ALDH1L1: variants seen among roughly 807,000 people sequenced by gnomAD.
The protein encoded by ALDH1L1 is cytosolic 10-formyltetrahydrofolate dehydrogenase.
Under a neutral mutation model 101.1 loss-of-function variants are expected in ALDH1L1, and 68 were observed. The observed-to-expected ratio is 0.67, with a 90% CI of 0.55 to 0.82. The LOEUF (loss-of-function observed/expected upper bound fraction) is 0.82. Among genes scored for constraint, ALDH1L1 ranks in the 40% least tolerant of loss-of-function variants. The pLI, the probability that ALDH1L1 is intolerant of heterozygous loss-of-function variation, is 0.00. For synonymous variants in ALDH1L1, 486 were observed against 470.8 expected (o/e 1.03, Z -0.42); for missense variants, 1,087 against 1,172.7 (o/e 0.93, Z 1.07).
intron 9 of ALDH1L1, among the ~76,000 whole-genome samples, chr3:126,140,043 A>G (rs1189358594): frequency 6.6e-6 from 1 of 152,174 alleles, no homozygotes; most frequent in Non-Finnish European, 1.5e-5. Flanking sequence ...AAATGAATAT[A>G]CACATCTAAG....
chr3:126,178,223 AT>A (rs1463659209), intron 1 of ALDH1L1, among the ~76,000 whole-genome samples: 3 of 151,908 alleles, frequency 2.0e-5, no homozygotes, highest in Non-Finnish European at 2.9e-5. Context: ...CTACAAAAAA[AT>A]TTTTAAATTA....
intron 1 of ALDH1L1, among the ~76,000 whole-genome samples, chr3:126,175,896 T>G (rs1029444242): frequency 6.6e-6 from 1 of 152,060 alleles, no homozygotes; most frequent in Non-Finnish European, 1.5e-5. Context: ...AAGGAAGAAA[T>G]AAACTGTTCT....
At chr3:126,149,059 G>A (rs531280948) in intron 8 of ALDH1L1, among the ~76,000 whole-genome samples, 10 of 152,262 alleles carry the variant, frequency 6.6e-5, no homozygotes, top group South Asian at 2.1e-4. Flanking sequence ...CACCCTTCCC[G>A]TTGTTCTCAG....
At chr3:126,119,390 C>T (rs1340284239) in intron 16 of ALDH1L1, among the ~76,000 whole-genome samples, 2 of 152,230 alleles carry the variant, frequency 1.3e-5, no homozygotes, top group Non-Finnish European at 2.9e-5. Context: ...CCAGGGTTCT[C>T]CATTTCAGTA....
At chr3:126,153,779 C>T (rs2080853661) in intron 6 of ALDH1L1, among the ~76,000 whole-genome samples, 198 bp from the exon 7 acceptor site, 1 of 152,168 alleles carries the variant, frequency 6.6e-6, no homozygotes, top group South Asian at 2.1e-4. Flanking sequence ...CCTCAGTGGC[C>T]TCAGGGAGCT....
chr3:126,180,590 C>T, upstream of ALDH1L1: 3 of 1,192,758 alleles, frequency 2.5e-6, no homozygotes, highest in East Asian at 9.0e-5. Flanking sequence ...GACCTGTCCC[C>T]GCCAGTCCGC....
chr3:126,159,122 C>T (rs1355086448), intron 2 of ALDH1L1, among the ~76,000 whole-genome samples: 2 of 152,214 alleles, frequency 1.3e-5, no homozygotes, highest in East Asian at 1.9e-4. Context: ...CTCCCCCAGC[C>T]CAGCTTCTTC....
intron 2 of ALDH1L1, 103 bp from the exon 3 acceptor site, chr3:126,158,742 C>A: frequency 9.1e-7 from 1 of 1,104,084 alleles, no homozygotes; most frequent in East Asian, 2.5e-5. Flanking sequence ...CTCTCCATTC[C>A]TGCCCCCTCA....
chr3:126,164,531 T>C (rs868237627), intron 1 of ALDH1L1, among the ~76,000 whole-genome samples: 2 of 152,202 alleles, frequency 1.3e-5, no homozygotes, highest in Non-Finnish European at 2.9e-5. Context: ...AGTCCACCCA[T>C]GTTGCTGCAA....
intron 14 of ALDH1L1, among the ~76,000 whole-genome samples, chr3:126,127,505 T>TTC (rs565164812): frequency 6.6e-6 from 1 of 152,018 alleles, no homozygotes; most frequent in Non-Finnish European, 1.5e-5. Context: ...GTGGAGTTCC[T>TTC]TCTCTCTCTC....
chr3:126,163,866 G>T (rs938663564), intron 1 of ALDH1L1, among the ~76,000 whole-genome samples: 1 of 152,114 alleles, frequency 6.6e-6, no homozygotes, highest in Non-Finnish European at 1.5e-5. Flanking sequence ...AGTCCCAGTC[G>T]CTCATGACTG....
intron 1 of ALDH1L1, among the ~76,000 whole-genome samples, chr3:126,164,431 G>A (rs2081124142): frequency 6.6e-6 from 1 of 152,124 alleles, no homozygotes. Context: ...ATGTGCATGT[G>A]TGCTCAATGT....
chr3:126,195,856 G>A (rs556508330), intron 1 of ALDH1L1, among the ~76,000 whole-genome samples: 17 of 152,120 alleles, frequency 1.1e-4, no homozygotes, highest in East Asian at 5.8e-4. Flanking sequence ...GCAAACTATC[G>A]CAAGGACAAA....
upstream of ALDH1L1, among the ~76,000 whole-genome samples, chr3:126,183,842 T>C (rs1405754348): frequency 1.3e-5 from 2 of 152,162 alleles, no homozygotes; most frequent in Non-Finnish European, 2.9e-5. Flanking sequence ...AAAGCCTGAT[T>C]TAGATGCAGA....
chr3:126,146,977 G>C, intron 8 of ALDH1L1, 51 bp from the exon 9 acceptor site: 1 of 1,565,242 alleles, frequency 6.4e-7, no homozygotes, highest in Non-Finnish European at 8.7e-7. Flanking sequence ...CTGGGGACAA[G>C]TGCCACTCCA....
chr3:126,146,890 C>A lies in ALDH1L1; in HGVS notation c.1021G>T (p.Val341Phe), dbSNP rs1357883682. Residue 341 changes from valine (V) to phenylalanine (F), a missense_variant, in exon 9 of 23, where the codon GTT becomes TTT. This residue lies in a region of ALDH1L1 where 645 missense variants were observed against 637.0 expected (regional missense o/e 1.01). Coordinates refer to ENST00000393434, the MANE Select transcript of ALDH1L1 (RefSeq NM_012190.4). ...WQRILPKVLE[V>F]EDSTDFFKSG... ...TTGAAGAAATCAGTGGAGTCTTCAACCTCCAGGACTTTGGGGAGGATCCGC... is the reference window on the plus strand; with the variant it reads ...TTGAAGAAATCAGTGGAGTCTTCAAACTCCAGGACTTTGGGGAGGATCCGC... 6.2e-7 allele frequency: 1 copy of A among 1,614,010 alleles called. No homozygotes were observed. Among genetic ancestry groups the A allele is most frequent in the South Asian group, 1.1e-5 (1 of 91,030 alleles).
intron 22 of ALDH1L1, chr3:126,105,522 C>T (rs1211888240): frequency 3.1e-6 from 2 of 642,992 alleles, no homozygotes; most frequent in East Asian, 2.9e-5. Context: ...CTCTTCTTGC[C>T]TTCTTCCCAG....
chr3:126,157,321 G>A lies in ALDH1L1; in HGVS notation c.528+22C>T, dbSNP rs755193568. ...GAGGGTGCGTCGGGGCGGGCAGGGC[G>A]CGGCCGGCTCCAGGTCCTCACCATC... On this transcript the variant is annotated intron_variant, in intron 4 of 22. Transcript: ENST00000393434. 1.9e-6 allele frequency: 3 copies of A among 1,599,238 alleles called. No individual in the cohort carries two copies. In the Admixed American group the frequency reaches 5.0e-5, roughly 27 times the overall value.
At chr3:126,194,595 T>G (rs4679213) in intron 1 of ALDH1L1, among the ~76,000 whole-genome samples, 20,511 of 152,178 alleles carry the variant, frequency 0.13, 1,744 homozygotes, top group African/African-American at 0.22. Flanking sequence ...AATGTTCGAT[T>G]TATGGAAAAA....
Sources: allele counts gnomAD v4.1 joint callset (sites outside exome capture counted in the v4.1 genomes callset), GRCh38; gene constraint gnomAD v4.1.1; regional missense constraint gnomAD v4.1.1; transcripts MANE v1.5; gene names NCBI Gene and HGNC (gene_info 2026-07-23, HGNC 2026-07-21).